The following BBS9 variants were observed in gnomAD, a reference collection of about 807,000 sequenced individuals.
BBS9 encodes Bardet-Biedl syndrome 9, also known as protein PTHB1.
Under a neutral mutation model 117.7 loss-of-function variants are expected in BBS9, and 89 were observed. The ratio of observed to expected loss-of-function variants is 0.76; its 90% CI spans 0.64 to 0.90. The LOEUF is 0.90. BBS9 is among the 40% of genes least tolerant of loss of function. The pLI is 0.00. For synonymous variants in BBS9, 379 were observed against 370.9 expected, an observed-to-expected ratio of 1.02 and a Z score of -0.25; for missense variants, 982 against 1,042.2, an observed-to-expected ratio of 0.94 and a Z score of 0.80.
chr7:33,308,819 G>A (rs1249721173), intron 9 of BBS9, among the ~76,000 whole-genome samples: 1 of 152,180 alleles, frequency 6.6e-6, no homozygotes, highest in Admixed American at 6.5e-5. Flanking sequence ...TGGGGCAAAT[G>A]AGAAGACTCC....
chr7:33,244,435 T>A lies in BBS9; in HGVS notation c.443-12801T>A, dbSNP rs373531454. On this transcript the variant is annotated intron_variant, in intron 5 of 22. Coordinates refer to ENST00000242067, the MANE Select transcript of BBS9 (RefSeq NM_198428.3). Reference sequence around the variant, plus strand: ...ATTTCCAACTTCCTGGCACATTTTTTCCTAACCTTCCTCTGGGATCTTTTC... The same window carrying A: ...ATTTCCAACTTCCTGGCACATTTTTACCTAACCTTCCTCTGGGATCTTTTC... Among the ~76,000 whole-genome samples, 6 of 152,156 alleles carry A rather than the reference T, an allele frequency of 3.9e-5. No homozygotes were observed. The East Asian group carries it at 7.7e-4, about 20-fold the overall frequency.
At chr7:33,475,823 C>A (rs896825119) in intron 19 of BBS9, among the ~76,000 whole-genome samples, 47 of 152,118 alleles carry the variant, frequency 3.1e-4, no homozygotes, top group African/African-American at 1.1e-3. Flanking sequence ...GGACAGGCAA[C>A]CAGCAGTGTC....
At chr7:33,143,575 T>G (rs1451688135) in intron 1 of BBS9, among the ~76,000 whole-genome samples, 4 of 152,046 alleles carry the variant, frequency 2.6e-5, no homozygotes, top group Non-Finnish European at 4.4e-5. Flanking sequence ...ATCTTTTTTG[T>G]TGTTGTTTGA....
At chr7:33,320,774 A>G (rs976505281) in intron 9 of BBS9, among the ~76,000 whole-genome samples, 3 of 151,918 alleles carry the variant, frequency 2.0e-5, no homozygotes, top group African/African-American at 4.8e-5. Flanking sequence ...CTTTTAGATA[A>G]AAGCCATTTT....
chr7:33,559,189 A>G (rs1015681321), intron 21 of BBS9, among the ~76,000 whole-genome samples: 12 of 152,314 alleles, frequency 7.9e-5, no homozygotes, highest in Admixed American at 6.5e-4. Flanking sequence ...ATGATTTCCT[A>G]AACATTTTTT....
chr7:33,263,856 T>G (rs1798361743), intron 6 of BBS9, among the ~76,000 whole-genome samples: 1 of 152,154 alleles, frequency 6.6e-6, no homozygotes, highest in Non-Finnish European at 1.5e-5. Flanking sequence ...ACTTACCTAG[T>G]TAAGTGGTTA....
intron 3 of BBS9, among the ~76,000 whole-genome samples, chr7:33,154,505 G>A (rs866414033): frequency 1.3e-5 from 2 of 152,012 alleles, no homozygotes; most frequent in Non-Finnish European, 2.9e-5. Flanking sequence ...CACTCTCGTC[G>A]CCCAGACTGG....
chr7:33,313,414 G>A (rs1809743984), intron 9 of BBS9, among the ~76,000 whole-genome samples: 1 of 152,138 alleles, frequency 6.6e-6, no homozygotes, highest in African/African-American at 2.4e-5. Flanking sequence ...GTACGAAATA[G>A]GCACGTCTGA....
chr7:33,395,995 G>A (rs1346120608), intron 19 of BBS9, among the ~76,000 whole-genome samples: 1 of 152,140 alleles, frequency 6.6e-6, no homozygotes, highest in African/African-American at 2.4e-5. Context: ...TTCTCAGAAG[G>A]TGATAGAGTA....
rs1245786805 is a variant in BBS9, at chr7:33,152,713, TG to T, written c.128del (p.Gly43ValfsTer7). 6.2e-7 allele frequency: 1 copy of T among 1,613,134 alleles called. No homozygotes were observed. The highest frequency in any genetic ancestry group is 8.5e-7 in the Non-Finnish European group (1 of 1,179,536). ...NSGNGQDKII[V>X]GSFMGYLRIF... is the part of the protein sequence containing the mutation. ...AAATTCTCTACAGATAAAATAATTGTGGGTAGCTTTATGGGATACCTAAGGA... is the reference window on the plus strand; with the variant it reads ...AAATTCTCTACAGATAAAATAATTGTGGTAGCTTTATGGGATACCTAAGGA... On this transcript the variant is annotated frameshift_variant, in exon 3 of 23. Coordinates refer to ENST00000242067, the MANE Select transcript of BBS9 (RefSeq NM_198428.3). LOFTEE classifies it high-confidence loss of function.
At chr7:33,417,547 G>C (rs1272611606) in intron 19 of BBS9, among the ~76,000 whole-genome samples, 2 of 152,178 alleles carry the variant, frequency 1.3e-5, no homozygotes, top group Non-Finnish European at 2.9e-5. Flanking sequence ...TGAACAATTT[G>C]TAGTGACTAC....
chr7:33,252,861 A>T (rs1369332267), intron 5 of BBS9, among the ~76,000 whole-genome samples: 1 of 152,030 alleles, frequency 6.6e-6, no homozygotes, highest in Non-Finnish European at 1.5e-5. Flanking sequence ...TTTAGACTTA[A>T]TTTTTTTATA....
intron 1 of BBS9, among the ~76,000 whole-genome samples, chr7:33,135,171 C>T (rs1376847586): frequency 6.6e-6 from 1 of 152,238 alleles, no homozygotes; most frequent in African/African-American, 2.4e-5. Context: ...GAATTACAGG[C>T]ATTAGCCACC....
chr7:33,191,186 G>T (rs181927292), intron 5 of BBS9, among the ~76,000 whole-genome samples: 1 of 152,266 alleles, frequency 6.6e-6, no homozygotes, highest in Admixed American at 6.5e-5. Flanking sequence ...TCTTTTACAT[G>T]CTCAGGGTTT....
At chr7:33,266,454 T>G (rs916511236) in intron 7 of BBS9, among the ~76,000 whole-genome samples, 1 of 152,192 alleles carries the variant, frequency 6.6e-6, no homozygotes, top group Non-Finnish European at 1.5e-5. Context: ...TTTGTATGAT[T>G]TAAATTCTCT....
chr7:33,161,964 A>G (rs6968400), intron 4 of BBS9, among the ~76,000 whole-genome samples: 82,055 of 151,916 alleles, frequency 0.54, 22,453 homozygotes, highest in East Asian at 0.67. Flanking sequence ...TTGTTGATGG[A>G]ATTGTTTGTT....
intron 7 of BBS9, among the ~76,000 whole-genome samples, chr7:33,266,862 C>T (rs1035672126): frequency 6.6e-6 from 1 of 152,130 alleles, no homozygotes; most frequent in African/African-American, 2.4e-5. Flanking sequence ...CCTGCCTCAG[C>T]CTCCTGAGTA....
At chr7:33,630,302 TGAG>T (rs1482450467) in intron 21 of BBS9, among the ~76,000 whole-genome samples, 4 of 152,264 alleles carry the variant, frequency 2.6e-5, no homozygotes, top group African/African-American at 9.6e-5. Flanking sequence ...AAAAAATAAA[TGAG>T]GTGCGAAAAG....
At chr7:33,286,258 G>C (rs1424644105) in intron 9 of BBS9, among the ~76,000 whole-genome samples, 1 of 152,052 alleles carries the variant, frequency 6.6e-6, no homozygotes, top group Non-Finnish European at 1.5e-5. Context: ...ATACCGGTAG[G>C]AAAAATCCTT....
Sources: gnomAD v4.1 joint callset for allele counts (sites outside exome capture counted in the v4.1 genomes callset) on GRCh38, gnomAD v4.1.1 for gene constraint, MANE v1.5 for transcripts, NCBI Gene and HGNC (gene_info 2026-07-23, HGNC 2026-07-21) for gene names.